Variants in LINGO2 observed in about 807,000 individuals in gnomAD.
LINGO2 encodes leucine-rich repeat and immunoglobulin-like domain-containing nogo receptor-interacting protein 2.
A neutral mutation model predicts 30.6 loss-of-function variants in LINGO2; 14 were observed. The ratio of observed to expected loss-of-function variants is 0.46; its 90% CI spans 0.30 to 0.72. The LOEUF is 0.72. Ranked by LOEUF, LINGO2 falls within the 30% of genes least tolerant of loss-of-function variation. The pLI, the probability that LINGO2 is intolerant of heterozygous loss-of-function variation, is 0.07. For missense variants in LINGO2, 729 were observed against 751.7 expected (o/e 0.97, Z 0.35); for synonymous variants, 317 against 288.5 (o/e 1.10, Z -1.00).
the LINGO2 span, among the ~76,000 whole-genome samples, chr9:29,199,868 T>C: frequency 6.9e-4 from 105 of 151,638 alleles, no homozygotes; most frequent in African/African-American, 2.3e-3. Context: ...TTGGCTTAAA[T>C]AAGGACAAAT....
At chr9:28,552,210 T>C (rs1288964549) in intron 1 of LINGO2, among the ~76,000 whole-genome samples, 2 of 152,012 alleles carry the variant, frequency 1.3e-5, no homozygotes, top group Non-Finnish European at 2.9e-5. Context: ...TCTCCAGACC[T>C]GCCTACAGCT....
At chr9:29,073,667 C>A in the LINGO2 span, among the ~76,000 whole-genome samples, 1 of 151,976 alleles carries the variant, frequency 6.6e-6, no homozygotes, top group African/African-American at 2.4e-5. Flanking sequence ...AACTATATGC[C>A]CCACATACTC....
chr9:27,977,417 G>T (rs1447840409), intron 5 of LINGO2, among the ~76,000 whole-genome samples: 1 of 151,704 alleles, frequency 6.6e-6, no homozygotes, highest in African/African-American at 2.4e-5. Flanking sequence ...GGGGCGGGTT[G>T]GGGGGAGCAG....
chr9:29,086,566 C>T, the LINGO2 span, among the ~76,000 whole-genome samples: 6 of 151,744 alleles, frequency 4.0e-5, no homozygotes, highest in South Asian at 2.1e-4. Context: ...AATGTTTCTA[C>T]GTAAAGTCTA....
the LINGO2 span, among the ~76,000 whole-genome samples, chr9:29,089,005 T>A: frequency 6.6e-6 from 1 of 152,018 alleles, no homozygotes; most frequent in Non-Finnish European, 1.5e-5. Flanking sequence ...AAAAAACAGA[T>A]CCAGGGCTTA....
At chr9:28,132,927 CT>C (rs1827417086) in intron 4 of LINGO2, among the ~76,000 whole-genome samples, 1 of 152,210 alleles carries the variant, frequency 6.6e-6, no homozygotes, top group Admixed American at 6.5e-5. Context: ...GCAGACCCCC[CT>C]TTTCATCAAA....
At chr9:28,097,540 A>G (rs1826280596) in intron 4 of LINGO2, among the ~76,000 whole-genome samples, 1 of 144,914 alleles carries the variant, frequency 6.9e-6, no homozygotes, top group Non-Finnish European at 1.5e-5. Context: ...TTGTAGGGAC[A>G]TGGATGAAAT....
At chr9:28,335,763 A>G (rs1178702866) in intron 3 of LINGO2, among the ~76,000 whole-genome samples, 1 of 152,194 alleles carries the variant, frequency 6.6e-6, no homozygotes, top group African/African-American at 2.4e-5. Flanking sequence ...AAGCATTCAA[A>G]TTTTAAAAAT....
chr9:27,989,544 G>A (rs778041827), intron 5 of LINGO2, among the ~76,000 whole-genome samples: 10 of 151,620 alleles, frequency 6.6e-5, no homozygotes, highest in Non-Finnish European at 1.5e-4. Context: ...GAAAGTTCTG[G>A]CAGGCACTAG....
intron 4 of LINGO2, among the ~76,000 whole-genome samples, chr9:28,056,894 C>A (rs1185824813): frequency 6.6e-6 from 1 of 151,980 alleles, no homozygotes; most frequent in Non-Finnish European, 1.5e-5. Flanking sequence ...ACTGAAATGA[C>A]CTTGGATTAA....
At chr9:27,943,270 A>G (rs1291668473), downstream of LINGO2, 4 of 152,144 alleles carry the variant, frequency 2.6e-5, no homozygotes, top group Non-Finnish European at 5.9e-5. Flanking sequence ...TGGCTGACCC[A>G]TCTTCAGTAT....
intron 1 of LINGO2, among the ~76,000 whole-genome samples, chr9:28,584,335 G>C (rs980701420): frequency 7.9e-5 from 12 of 151,924 alleles, no homozygotes; most frequent in African/African-American, 2.7e-4. Context: ...ATGTACTTGA[G>C]AGCATCTCAT....
At chr9:28,061,462 A>G (rs1476770105) in intron 4 of LINGO2, among the ~76,000 whole-genome samples, 1 of 152,024 alleles carries the variant, frequency 6.6e-6, no homozygotes, top group East Asian at 1.9e-4. Flanking sequence ...TATGTGCAGA[A>G]ATAGAGGAAT....
chr9:28,213,968 A>G (rs1820680669), intron 4 of LINGO2, among the ~76,000 whole-genome samples: 1 of 151,580 alleles, frequency 6.6e-6, no homozygotes, highest in Non-Finnish European at 1.5e-5. Flanking sequence ...ACTTTTAGAC[A>G]TACATCTTAA....
intron 1 of LINGO2, among the ~76,000 whole-genome samples, chr9:28,543,819 G>A (rs1256939468): frequency 6.6e-6 from 1 of 152,020 alleles, no homozygotes; most frequent in African/African-American, 2.4e-5. Flanking sequence ...TGTGAAAGGA[G>A]GGGGTTAGAA....
At chr9:28,470,139 T>C (rs750595797) in intron 2 of LINGO2, among the ~76,000 whole-genome samples, 17 of 152,270 alleles carry the variant, frequency 1.1e-4, no homozygotes, top group Middle Eastern at 3.4e-3. Context: ...GTTAAGTCTG[T>C]ATGTGAAAAA....
At chr9:28,550,011 A>G (rs115947918) in intron 1 of LINGO2, among the ~76,000 whole-genome samples, 2,047 of 151,982 alleles carry the variant, frequency 0.013, 53 homozygotes, top group African/African-American at 0.046. Context: ...TTGAATTGCC[A>G]TTCATTTTTA....
chr9:29,127,923 G>A, the LINGO2 span, among the ~76,000 whole-genome samples: 1 of 152,124 alleles, frequency 6.6e-6, no homozygotes, highest in Non-Finnish European at 1.5e-5. Flanking sequence ...AGAAGATAAT[G>A]TCTCTTAAGC....
the LINGO2 span, among the ~76,000 whole-genome samples, chr9:28,896,218 C>G: frequency 6.6e-6 from 1 of 152,116 alleles, no homozygotes; most frequent in African/African-American, 2.4e-5. Context: ...ATGCAGGCAA[C>G]TTTGTTGTGT....
Sources: allele counts gnomAD v4.1 joint callset (sites outside exome capture counted in the v4.1 genomes callset), GRCh38; gene constraint gnomAD v4.1.1; transcripts MANE v1.5; gene names NCBI Gene and HGNC (gene_info 2026-07-23, HGNC 2026-07-21).